The following CDH4 variants were observed in gnomAD, a reference collection of about 807,000 sequenced individuals.
CDH4 encodes cadherin-4.
A neutral mutation model predicts 86.0 loss-of-function variants in CDH4; 33 were observed. The ratio of observed to expected loss-of-function variants is 0.38; its 90% CI spans 0.29 to 0.51. The LOEUF (loss-of-function observed/expected upper bound fraction) is 0.51, where lower values mean the gene tolerates loss of function less well. Among genes scored for constraint, CDH4 ranks in the 20% least tolerant of loss-of-function variants. The probability of loss-of-function intolerance (pLI) is 0.86; values close to 1 mark genes in which losing one functional copy is unlikely to be tolerated. For synonymous variants in CDH4, 555 were observed against 549.4 expected, an observed-to-expected ratio of 1.01 and a Z score of -0.14; for missense variants, 1,114 against 1,307.4, an observed-to-expected ratio of 0.85 and a Z score of 2.28.
chr20:61,583,616 C>T (rs577313228), intron 2 of CDH4, among the ~76,000 whole-genome samples: 1 of 152,324 alleles, frequency 6.6e-6, no homozygotes, highest in African/African-American at 2.4e-5. Flanking sequence ...GACTACCCCA[C>T]ACATGGCTGG....
chr20:61,889,902 ATAGATGATGGATGGG>A (rs1308059917), intron 7 of CDH4, among the ~76,000 whole-genome samples: 1 of 144,184 alleles, frequency 6.9e-6, no homozygotes, highest in Non-Finnish European at 1.5e-5. Context: ...GGATGGATGG[ATAGATGATGGATGGG>A]TAGATGGATC....
At chr20:61,484,853 G>C (rs995286472) in intron 2 of CDH4, among the ~76,000 whole-genome samples, 1 of 152,194 alleles carries the variant, frequency 6.6e-6, no homozygotes, top group Non-Finnish European at 1.5e-5. Context: ...CCCTCCTCAG[G>C]CTTAGCTACA....
At chr20:61,895,090 G>A (rs753824315) in intron 8 of CDH4, 43 bp downstream of exon 8, 2 of 1,604,152 alleles carry the variant, frequency 1.2e-6, no homozygotes, top group Non-Finnish European at 1.7e-6. Flanking sequence ...GCCCGTGCAG[G>A]GCAGGAATGC....
At chr20:61,453,636 C>T (rs1431208548) in intron 2 of CDH4, among the ~76,000 whole-genome samples, 2 of 152,200 alleles carry the variant, frequency 1.3e-5, no homozygotes, top group African/African-American at 2.4e-5. Flanking sequence ...TGCAGACAAT[C>T]TGCAGGCTGT....
chr20:61,506,329 A>G (rs2085741413), intron 2 of CDH4, among the ~76,000 whole-genome samples: 1 of 152,246 alleles, frequency 6.6e-6, no homozygotes, highest in African/African-American at 2.4e-5. Flanking sequence ...TCGAAACATT[A>G]CGAATGCAAT....
chr20:61,706,545 G>T (rs367804768), intron 2 of CDH4, among the ~76,000 whole-genome samples: 31 of 152,208 alleles, frequency 2.0e-4, no homozygotes, highest in Non-Finnish European at 2.8e-4. Context: ...GAGGAAGAAC[G>T]GATGGAAAGG....
In CDH4 at chr20:61,359,299, A is replaced by G. The variant is rs1459487113; in HGVS notation, c.169+104362A>G. Among the ~76,000 whole-genome samples the G allele has an allele frequency of 2.6e-5, 4 of 152,034 alleles. No homozygotes were observed. In the South Asian group the frequency reaches 8.3e-4, roughly 32 times the overall value. On this transcript the variant is annotated intron_variant, in intron 2 of 15. Transcript: ENST00000614565. The stretch of plus-strand genomic sequence containing the variant: ...TGGGGGGTGGACTACGAGGTCACTC[A>G]TTTGTCAGCTACGCCGACCCCGAAT...
chr20:61,431,975 G>A (rs548862295), intron 2 of CDH4, among the ~76,000 whole-genome samples: 11 of 152,174 alleles, frequency 7.2e-5, no homozygotes, highest in South Asian at 4.1e-4. Context: ...GTCATTGTGC[G>A]TGTGTGCCCC....
At chr20:61,652,670 T>C (rs1031222251) in intron 2 of CDH4, among the ~76,000 whole-genome samples, 10 of 151,964 alleles carry the variant, frequency 6.6e-5, no homozygotes, top group African/African-American at 4.8e-5. Flanking sequence ...CCCGATTCCA[T>C]ACATCCCCAC....
At chr20:61,532,597 G>A (rs565906361) in intron 2 of CDH4, among the ~76,000 whole-genome samples, 1 of 152,316 alleles carries the variant, frequency 6.6e-6, no homozygotes, top group South Asian at 2.1e-4. Flanking sequence ...AATGCAAGCA[G>A]CGAGTCTGTG....
intron 2 of CDH4, among the ~76,000 whole-genome samples, chr20:61,543,894 G>A (rs2086057845): frequency 6.6e-6 from 1 of 152,178 alleles, no homozygotes; most frequent in African/African-American, 2.4e-5. Context: ...CAGGACCCTG[G>A]ACTCCCCTAG....
At chr20:61,401,332 A>G (rs114863619) in intron 2 of CDH4, among the ~76,000 whole-genome samples, 2,278 of 152,330 alleles carry the variant, frequency 0.015, 59 homozygotes, top group African/African-American at 0.052. Flanking sequence ...GGTACATTGC[A>G]GGCTTCAGTC....
chr20:61,908,389 C>T (rs1176151239), intron 8 of CDH4, among the ~76,000 whole-genome samples: 3 of 152,228 alleles, frequency 2.0e-5, no homozygotes, highest in African/African-American at 4.8e-5. Flanking sequence ...CCCTGTTCAC[C>T]TGATGTCTTT....
chr20:61,261,965 G>C (rs2084129763), intron 2 of CDH4, among the ~76,000 whole-genome samples: 1 of 152,214 alleles, frequency 6.6e-6, no homozygotes, highest in Admixed American at 6.5e-5. Context: ...AGCAGTCCCA[G>C]AGCCGAGCTC....
chr20:61,407,538 C>G (rs1330975054), intron 2 of CDH4, among the ~76,000 whole-genome samples: 1 of 152,304 alleles, frequency 6.6e-6, no homozygotes, highest in East Asian at 1.9e-4. Context: ...GAAAAGACTT[C>G]GGCAGGGTCT....
At chr20:61,439,194 G>A (rs1328498521) in intron 2 of CDH4, among the ~76,000 whole-genome samples, 2 of 142,786 alleles carry the variant, frequency 1.4e-5, no homozygotes, top group Non-Finnish European at 3.1e-5. Context: ...ATTCAGGCCT[G>A]TCTTAAAAGC....
rs895366870 is a variant in CDH4 at position 61,754,764 on chromosome 20, C to T, written c.396+10975C>T. 1.4e-5 allele frequency among the ~76,000 whole-genome samples: 2 copies of T among 147,776 alleles called. No homozygotes were observed. The highest frequency in any genetic ancestry group is 5.0e-5 in the African/African-American group (2 of 39,678). On this transcript the variant is annotated intron_variant, in intron 3 of 15. Coordinates refer to ENST00000614565, the MANE Select transcript of CDH4 (RefSeq NM_001794.5). This position sits in a 1 kb window ranked among gnomAD's most constrained non-coding sequence, Gnocchi z 4.7. ...CACTATGCACACCACACACACAGTG[C>T]ATGCCACACACACCACACACACACT...
rs1320814343 is a variant in CDH4, at chr20:61,328,471, G to A, written c.169+73534G>A. On this transcript the variant is annotated intron_variant, in intron 2 of 15. Transcript: ENST00000614565. Reference sequence around the variant, plus strand: ...ATTACAGGCGTGAGCCACCGCGCCCGGCCCAAAATTGCTGTTTTTAAAAAT... The same window carrying A: ...ATTACAGGCGTGAGCCACCGCGCCCAGCCCAAAATTGCTGTTTTTAAAAAT... 7.2e-5 allele frequency among the ~76,000 whole-genome samples: 11 copies of A among 152,254 alleles called. 1 individual carries two copies. The South Asian group carries it at 1.7e-3, about 23-fold the overall frequency.
In CDH4 at chr20:61,393,848, A is replaced by G. The variant is rs2085000582; in HGVS notation, c.169+138911A>G. Among the ~76,000 whole-genome samples, 2 of 152,162 alleles carry G rather than the reference A, an allele frequency of 1.3e-5. No homozygotes were observed. Among genetic ancestry groups the G allele is most frequent in the Admixed American group, 1.3e-4 (2 of 15,290 alleles). On this transcript the variant is annotated intron_variant, in intron 2 of 15. Transcript: ENST00000614565. The surrounding 1 kb of genome is among the most constrained non-coding windows in gnomAD (Gnocchi z 4.3). ...CCTTCACCACCAAGACAGTTGCACC[A>G]TGGGCTTCTCCTCTTCTGTAAAATG... is the stretch of plus-strand genomic sequence containing the variant.
Sources: gnomAD v4.1 joint callset for allele counts (sites outside exome capture counted in the v4.1 genomes callset) on GRCh38, gnomAD v4.1.1 for gene constraint, Gnocchi (gnomAD v3.1) non-coding constraint, MANE v1.5 for transcripts, NCBI Gene and HGNC (gene_info 2026-07-23, HGNC 2026-07-21) for gene names.